BABAM2: variants seen among roughly 807,000 people sequenced by gnomAD.
The protein encoded by BABAM2 is BRISC and BRCA1-A complex member 2.
Under a neutral mutation model 54.7 loss-of-function variants are expected in BABAM2, and 31 were observed. The ratio of observed to expected loss-of-function variants is 0.57; its 90% CI spans 0.43 to 0.77. The LOEUF (loss-of-function observed/expected upper bound fraction) is 0.77. Ranked by LOEUF, BABAM2 falls within the 30% of genes least tolerant of loss-of-function variation. The pLI, the probability that BABAM2 is intolerant of heterozygous loss-of-function variation, is 0.00. For synonymous variants in BABAM2, 167 were observed against 162.9 expected (o/e 1.03, Z -0.19); for missense variants, 364 against 455.8 (o/e 0.80, Z 1.83).
intron 3 of BABAM2, among the ~76,000 whole-genome samples, chr2:27,959,441 A>G (rs2148425121): frequency 6.6e-6 from 1 of 152,256 alleles, no homozygotes; most frequent in East Asian, 1.9e-4. Flanking sequence ...TCCAATCTTT[A>G]TGTAGTCTAG....
intron 6 of BABAM2, among the ~76,000 whole-genome samples, chr2:28,076,714 G>A (rs1402100946): frequency 6.6e-6 from 1 of 151,958 alleles, no homozygotes; most frequent in Admixed American, 6.6e-5. Flanking sequence ...CACCATGTTA[G>A]CCAGGATGGT....
At chr2:28,188,652 G>C (rs1046124710) in intron 7 of BABAM2, among the ~76,000 whole-genome samples, 1 of 152,080 alleles carries the variant, frequency 6.6e-6, no homozygotes. Context: ...CCAACAACAG[G>C]CCTCGGGGCT....
At chr2:27,895,701 T>C (rs1034089573) in intron 2 of BABAM2, among the ~76,000 whole-genome samples, 7 of 152,192 alleles carry the variant, frequency 4.6e-5, no homozygotes, top group African/African-American at 1.4e-4. Flanking sequence ...CTTTTGTCCA[T>C]TAATTTCAGC....
intron 2 of BABAM2, among the ~76,000 whole-genome samples, chr2:27,921,262 T>A (rs1573171342): frequency 6.6e-6 from 1 of 152,200 alleles, no homozygotes; most frequent in Non-Finnish European, 1.5e-5. Flanking sequence ...TACTTATTAC[T>A]GATAAATAAT....
At chr2:28,140,595 C>T (rs747315486) in intron 7 of BABAM2, among the ~76,000 whole-genome samples, 3 of 152,090 alleles carry the variant, frequency 2.0e-5, no homozygotes, top group Non-Finnish European at 4.4e-5. Flanking sequence ...ATACTTTTAG[C>T]ATTTCATATT....
intron 11 of BABAM2, chr2:28,310,257 TCC>T: frequency 1.7e-6 from 2 of 1,178,010 alleles, no homozygotes. Flanking sequence ...ACAGCCCTCA[TCC>T]CAGAGGAAGC....
intron 4 of BABAM2, among the ~76,000 whole-genome samples, chr2:28,005,029 A>G (rs955112115): frequency 7.9e-5 from 12 of 152,152 alleles, no homozygotes; most frequent in African/African-American, 1.7e-4. Flanking sequence ...TTTACTTTCA[A>G]CTACTATCTA....
chr2:27,944,337 T>C (rs1283960463), intron 3 of BABAM2, among the ~76,000 whole-genome samples: 1 of 152,262 alleles, frequency 6.6e-6, no homozygotes, highest in African/African-American at 2.4e-5. Flanking sequence ...ATAAAGAACA[T>C]TTCCATTCCC....
At chr2:27,971,981 G>T (rs1671255057) in intron 3 of BABAM2, among the ~76,000 whole-genome samples, 1 of 151,998 alleles carries the variant, frequency 6.6e-6, no homozygotes. Context: ...TATAGCATTT[G>T]GCTTAAAATA....
intron 4 of BABAM2, among the ~76,000 whole-genome samples, chr2:28,022,978 A>C (rs2148558201): frequency 6.6e-6 from 1 of 152,368 alleles, no homozygotes; most frequent in African/African-American, 2.4e-5. Flanking sequence ...AACAAGTAAA[A>C]GTGGTCGTGT....
chr2:27,958,302 A>G (rs185265842), intron 3 of BABAM2, among the ~76,000 whole-genome samples: 1 of 152,210 alleles, frequency 6.6e-6, no homozygotes, highest in Admixed American at 6.5e-5. Flanking sequence ...GATGGGGAGA[A>G]GAGCAGAGAT....
chr2:27,971,292 G>T (rs1460655387), intron 3 of BABAM2, among the ~76,000 whole-genome samples: 1 of 152,048 alleles, frequency 6.6e-6, no homozygotes, highest in Non-Finnish European at 1.5e-5. Flanking sequence ...TTTATTGAGG[G>T]ATTGAATGAA....
intron 7 of BABAM2, among the ~76,000 whole-genome samples, chr2:28,137,585 C>A (rs1200184263): frequency 6.6e-6 from 1 of 152,128 alleles, no homozygotes; most frequent in Non-Finnish European, 1.5e-5. Flanking sequence ...CAAAAAAGAA[C>A]CAGAACAGAA....
chr2:28,000,365 T>G (rs971683766), intron 4 of BABAM2, among the ~76,000 whole-genome samples: 2 of 152,168 alleles, frequency 1.3e-5, no homozygotes, highest in Non-Finnish European at 2.9e-5. Flanking sequence ...AGTTGGGATT[T>G]GTCTGATTTT....
At chr2:28,032,448 C>T (rs147561930) in intron 5 of BABAM2, among the ~76,000 whole-genome samples, 2 of 152,086 alleles carry the variant, frequency 1.3e-5, no homozygotes, top group East Asian at 1.9e-4. Flanking sequence ...CTCCCTGCCC[C>T]CTGAACCTCC....
chr2:28,263,075 G>A (rs1573958179), intron 10 of BABAM2, among the ~76,000 whole-genome samples: 1 of 133,302 alleles, frequency 7.5e-6, no homozygotes, highest in East Asian at 2.2e-4. Flanking sequence ...TTTATCTCTC[G>A]AAAGAAAAAA....
intron 7 of BABAM2, among the ~76,000 whole-genome samples, chr2:28,131,076 A>ATTTTTT (rs1179062903): frequency 2.0e-4 from 1 of 5,126 alleles, no homozygotes; most frequent in African/African-American, 7.4e-4. Flanking sequence ...TATTATTATT[A>ATTTTTT]TTATTTTTTT....
chr2:27,894,901 A>G (rs1019883638), intron 2 of BABAM2: 4 of 492,832 alleles, frequency 8.1e-6, no homozygotes, highest in Non-Finnish European at 1.0e-5. Flanking sequence ...TATGACTAGA[A>G]TGTTCATGTC....
At chr2:28,232,300 C>A (rs1294156595) in intron 7 of BABAM2, among the ~76,000 whole-genome samples, 1 of 152,178 alleles carries the variant, frequency 6.6e-6, no homozygotes, top group Non-Finnish European at 1.5e-5. Context: ...AGGGGAGTTG[C>A]TGTTTCATAA....
Sources: allele counts gnomAD v4.1 joint callset (sites outside exome capture counted in the v4.1 genomes callset), GRCh38; gene constraint gnomAD v4.1.1; transcripts MANE v1.5; gene names NCBI Gene and HGNC (gene_info 2026-07-23, HGNC 2026-07-21).